The following SENP7 variants were observed in gnomAD, a reference collection of about 807,000 sequenced individuals.
SENP7 encodes sentrin-specific protease 7.
SENP7 carries 64 observed loss-of-function variants against 141.2 expected under a neutral mutation model. That is an observed-to-expected ratio of 0.45 (90% CI 0.37 to 0.56). The LOEUF (loss-of-function observed/expected upper bound fraction) is 0.56, where lower values mean the gene tolerates loss of function less well. Among genes scored for constraint, SENP7 ranks in the 20% least tolerant of loss-of-function variants. The probability of loss-of-function intolerance (pLI) is 0.00; values close to 1 mark genes in which losing one functional copy is unlikely to be tolerated. For synonymous variants in SENP7, 382 were observed against 426.4 expected, an observed-to-expected ratio of 0.90 and a Z score of 1.28; for missense variants, 1,025 against 1,212.2, an observed-to-expected ratio of 0.85 and a Z score of 2.29.
chr3:101,468,732 C>T (rs111414505), intron 3 of SENP7, among the ~76,000 whole-genome samples: 3,625 of 152,156 alleles, frequency 0.024, 149 homozygotes, highest in African/African-American at 0.083. Flanking sequence ...AAGAAACAAC[C>T]GGTACCAACC....
chr3:101,467,422 C>T (rs1023278368), intron 3 of SENP7, among the ~76,000 whole-genome samples: 21 of 152,218 alleles, frequency 1.4e-4, no homozygotes, highest in African/African-American at 5.1e-4. Flanking sequence ...TGGGAGACGC[C>T]TCCCATTAGG....
chr3:101,417,695 G>A lies in SENP7; in HGVS notation c.380C>T (p.Ala127Val), dbSNP rs776653516. ...LPRNDANLCD[A>V]NKVQSDSLPS... ...CAATGAGTCTGATTGCACCTTGTTG[G>A]CATCACATAAATTAGCATCGTTTCT... The change falls in exon 5 of 24, where the codon GCC (alanine) becomes GTC (valine). Residue 127 changes from alanine to valine, a missense_variant. By Grantham distance (64) the Ala-to-Val change is moderately conservative. This residue lies in a region of SENP7 where 496 missense variants were observed against 503.5 expected (regional missense o/e 0.99). Transcript: ENST00000394095. 6.2e-7 allele frequency: 1 copy of A among 1,613,788 alleles called. No homozygotes were observed. Among genetic ancestry groups the A allele is most frequent in the Admixed American group, 1.7e-5 (1 of 60,026 alleles).
chr3:101,496,841 G>T (rs912966902), intron 2 of SENP7, among the ~76,000 whole-genome samples: 1 of 152,184 alleles, frequency 6.6e-6, no homozygotes, highest in African/African-American at 2.4e-5. Context: ...GCCTCCCAAA[G>T]TGCTGGGATT....
At chr3:101,476,896 T>A (rs2064240973) in intron 3 of SENP7, among the ~76,000 whole-genome samples, 1 of 152,246 alleles carries the variant, frequency 6.6e-6, no homozygotes, top group South Asian at 2.1e-4. Flanking sequence ...ATAAATGTCT[T>A]CTTTTGAGAA....
intron 6 of SENP7, among the ~76,000 whole-genome samples, chr3:101,391,393 C>CA (rs1170462724): frequency 6.9e-6 from 1 of 145,910 alleles, no homozygotes; most frequent in East Asian, 2.0e-4. Flanking sequence ...CAATCAGAAA[C>CA]AAAAAAAGGA....
chr3:101,384,221 T>C (rs1272528882), intron 6 of SENP7, among the ~76,000 whole-genome samples: 6 of 152,272 alleles, frequency 3.9e-5, no homozygotes, highest in Non-Finnish European at 5.9e-5. Flanking sequence ...CACCCTCCAG[T>C]TGTCCACATA....
At chr3:101,406,439 G>C (rs866380216) in intron 5 of SENP7, among the ~76,000 whole-genome samples, 1 of 151,964 alleles carries the variant, frequency 6.6e-6, no homozygotes, top group African/African-American at 2.4e-5. Flanking sequence ...GTTGTGGAGT[G>C]GGGGGAGGGG....
chr3:101,482,657 C>T (rs1024052841), intron 3 of SENP7, among the ~76,000 whole-genome samples: 1 of 152,090 alleles, frequency 6.6e-6, no homozygotes, highest in Non-Finnish European at 1.5e-5. Context: ...AACTTCAAGA[C>T]TTATTATAAA....
At chr3:101,496,422 A>AT (rs1210748795) in intron 2 of SENP7, among the ~76,000 whole-genome samples, 4 of 151,956 alleles carry the variant, frequency 2.6e-5, no homozygotes, top group Non-Finnish European at 2.9e-5. Flanking sequence ...TATCTGACTA[A>AT]TTTTTTTATT....
chr3:101,351,582 G>C, intron 12 of SENP7, 36 bp downstream of exon 12: 3 of 1,313,180 alleles, frequency 2.3e-6, no homozygotes, highest in Non-Finnish European at 3.0e-6. Flanking sequence ...AAAAACTATA[G>C]TAAAAAGACA....
At position 101,399,064 on chromosome 3, in the gene SENP7, T is replaced by A. The variant is rs754673358; in HGVS notation, c.483-9A>T. ...ATATAACTCTGGGTATCCTGTCACATAGAATAACAAACACTGTACTGTACT... is the reference window on the plus strand; with the variant it reads ...ATATAACTCTGGGTATCCTGTCACAAAGAATAACAAACACTGTACTGTACT... On this transcript the variant is annotated splice_polypyrimidine_tract_variant and intron_variant, in intron 5 of 23. Coordinates refer to ENST00000394095, the MANE Select transcript of SENP7 (RefSeq NM_020654.5). The A allele has an allele frequency of 4.4e-6, 7 of 1,599,630 alleles. No homozygotes were observed. The South Asian group carries it at 7.8e-5, about 18-fold the overall frequency.
intron 1 of SENP7, among the ~76,000 whole-genome samples, chr3:101,501,814 T>TA (rs1292370576): frequency 1.3e-5 from 2 of 152,130 alleles, no homozygotes; most frequent in African/African-American, 2.4e-5. Context: ...CAGATTTTAC[T>TA]AAAAAAATAA....
chr3:101,463,384 T>TATATATATAC lies in SENP7; in HGVS notation c.187-4333_187-4332insGTATATATAT, dbSNP rs1311333572. ...AAATAAATATATATATATATATATA[T>TATATATATAC]ATATATATATATACATATATATATA... On this transcript the variant is annotated intron_variant, in intron 3 of 23. Transcript: ENST00000394095. 1.1e-4 allele frequency among the ~76,000 whole-genome samples: 10 copies of TATATATATAC among 94,796 alleles called. No homozygotes were observed. The East Asian group carries it at 3.3e-3, about 31-fold the overall frequency. 62.2% of individuals were successfully genotyped at this position (94,796 alleles called of 152,430 possible).
chr3:101,438,538 G>A (rs1250002045), intron 4 of SENP7, among the ~76,000 whole-genome samples: 3 of 151,976 alleles, frequency 2.0e-5, no homozygotes, highest in African/African-American at 7.3e-5. Flanking sequence ...ACATTAAACT[G>A]TACAATTAAA....
intron 1 of SENP7, among the ~76,000 whole-genome samples, chr3:101,509,379 C>T (rs575165388): frequency 1.2e-4 from 19 of 152,230 alleles, no homozygotes; most frequent in African/African-American, 4.3e-4. Flanking sequence ...GTAAAAGTAG[C>T]CTCCTAATTG....
intron 3 of SENP7, among the ~76,000 whole-genome samples, chr3:101,472,198 C>G (rs564212245): frequency 6.6e-6 from 1 of 152,316 alleles, no homozygotes; most frequent in East Asian, 1.9e-4. Flanking sequence ...AAGACACACG[C>G]ACACATATGT....
In SENP7 at chr3:101,325,294, A is replaced by C. The variant is rs1460268177; in HGVS notation, c.*649T>G. On this transcript the variant is annotated 3_prime_UTR_variant, in exon 24 of 24. Transcript: ENST00000394095. ...TAAGATACTCACATATGACATCAAAAGAAATGAAAAAAAAAAAGCAGAGTA... is the reference window on the plus strand; with the variant it reads ...TAAGATACTCACATATGACATCAAACGAAATGAAAAAAAAAAAGCAGAGTA... The C allele has an allele frequency of 1.3e-5, 1 of 77,410 alleles. No individual in the cohort carries two copies. Among genetic ancestry groups the C allele is most frequent in the Non-Finnish European group, 3.3e-5 (1 of 30,666 alleles). The allele number at this position is 77,410 out of a possible 1,614,324, so 4.8% of individuals were successfully genotyped here.
At chr3:101,418,786 G>A (rs1377593981) in intron 4 of SENP7, among the ~76,000 whole-genome samples, 1 of 151,196 alleles carries the variant, frequency 6.6e-6, no homozygotes, top group East Asian at 1.9e-4. Flanking sequence ...ATAGAACACT[G>A]AAAACTCCAA....
At chr3:101,462,824 T>A (rs28790912) in intron 3 of SENP7, among the ~76,000 whole-genome samples, 1 of 151,080 alleles carries the variant, frequency 6.6e-6, no homozygotes, top group Non-Finnish European at 1.5e-5. Context: ...GCCGAGATCA[T>A]GCCACTGCAC....
Sources: allele counts gnomAD v4.1 joint callset (sites outside exome capture counted in the v4.1 genomes callset), GRCh38; gene constraint gnomAD v4.1.1; regional missense constraint gnomAD v4.1.1; transcripts MANE v1.5; gene names NCBI Gene and HGNC (gene_info 2026-07-23, HGNC 2026-07-21).